The following DTNB variants were observed in gnomAD, a reference collection of about 807,000 sequenced individuals.
DTNB encodes the protein DTN-B.
DTNB carries 63 observed loss-of-function variants against 90.7 expected under a neutral mutation model. That is an observed-to-expected ratio of 0.69 (90% confidence interval 0.57 to 0.86). The LOEUF (loss-of-function observed/expected upper bound fraction) is 0.86. Ranked by LOEUF, DTNB falls within the 40% of genes least tolerant of loss-of-function variation. The pLI, the probability that DTNB is intolerant of heterozygous loss-of-function variation, is 0.00. For synonymous variants in DTNB, 277 were observed against 286.7 expected (o/e 0.97, Z 0.34); for missense variants, 744 against 807.1 (o/e 0.92, Z 0.95).
At chr2:25,437,878 A>G (rs549379372) in intron 12 of DTNB, among the ~76,000 whole-genome samples, 14 of 152,346 alleles carry the variant, frequency 9.2e-5, no homozygotes, top group African/African-American at 3.4e-4. Flanking sequence ...CATGGAGCTC[A>G]GATTACACTG....
intron 10 of DTNB, among the ~76,000 whole-genome samples, chr2:25,479,931 G>A (rs945660680): frequency 6.6e-6 from 1 of 152,178 alleles, no homozygotes; most frequent in Admixed American, 6.5e-5. Context: ...GTAAGGCTCT[G>A]TGGCTGGCAA....
intron 9 of DTNB, among the ~76,000 whole-genome samples, chr2:25,510,945 T>G (rs982983343): frequency 2.6e-5 from 4 of 152,254 alleles, no homozygotes; most frequent in Non-Finnish European, 4.4e-5. Context: ...AAATTCTGGT[T>G]TCAAACCCAT....
chr2:25,466,899 C>G (rs1284916571), intron 10 of DTNB, among the ~76,000 whole-genome samples: 1 of 152,124 alleles, frequency 6.6e-6, no homozygotes, highest in Admixed American at 6.6e-5. Context: ...AGTGTTAGAC[C>G]TTTAAGGAAG....
At chr2:25,648,661 C>T (rs933293583) in intron 2 of DTNB, among the ~76,000 whole-genome samples, 1 of 152,054 alleles carries the variant, frequency 6.6e-6, no homozygotes, top group Admixed American at 6.6e-5. Context: ...TGACAAAGAC[C>T]TCATCATACA....
intron 8 of DTNB, among the ~76,000 whole-genome samples, chr2:25,571,287 T>C (rs2059827848): frequency 6.6e-6 from 1 of 152,216 alleles, no homozygotes; most frequent in Admixed American, 6.5e-5. Context: ...TCTCTTTCTT[T>C]TCTACTGTCT....
intron 15 of DTNB, among the ~76,000 whole-genome samples, chr2:25,420,125 T>C (rs1176847885): frequency 6.6e-6 from 1 of 152,126 alleles, no homozygotes; most frequent in Non-Finnish European, 1.5e-5. Flanking sequence ...TTCTGGTGCA[T>C]ACAAGTCTGA....
intron 15 of DTNB, 64 bp from the exon 16 acceptor site, chr2:25,419,599 T>G (rs1199797097): frequency 1.5e-5 from 23 of 1,539,722 alleles, no homozygotes; most frequent in Non-Finnish European, 2.0e-5. Flanking sequence ...TGCCCATTAA[T>G]GCCCATCACC....
intron 3 of DTNB, among the ~76,000 whole-genome samples, chr2:25,633,292 C>T (rs1288533753): frequency 6.6e-5 from 10 of 151,438 alleles, no homozygotes; most frequent in Admixed American, 1.3e-4. Context: ...GCCTGCCCAG[C>T]GCCTGCCATT....
intron 9 of DTNB, 141 bp from the exon 10 acceptor site, chr2:25,483,014 C>G: frequency 1.3e-6 from 1 of 796,062 alleles, no homozygotes; most frequent in Non-Finnish European, 1.8e-6. Flanking sequence ...GGGGGGGACC[C>G]ATGGGGAAGG....
intron 16 of DTNB, among the ~76,000 whole-genome samples, chr2:25,399,063 C>A (rs1467474401): frequency 2.0e-5 from 3 of 152,120 alleles, no homozygotes; most frequent in Non-Finnish European, 4.4e-5. Flanking sequence ...TGAATCTTTT[C>A]TTTTTTGAGA....
intron 16 of DTNB, among the ~76,000 whole-genome samples, chr2:25,415,234 A>G (rs868335506): frequency 6.7e-6 from 1 of 150,164 alleles, no homozygotes; most frequent in Non-Finnish European, 1.5e-5. Context: ...GGTTCCTGGC[A>G]TAAGAGCTTC....
At chr2:25,454,690 C>G (rs2150149177) in intron 11 of DTNB, among the ~76,000 whole-genome samples, 1 of 152,288 alleles carries the variant, frequency 6.6e-6, no homozygotes, top group Admixed American at 6.5e-5. Flanking sequence ...ATTAACTTTG[C>G]TATAGTTAGC....
intron 12 of DTNB, among the ~76,000 whole-genome samples, chr2:25,444,883 T>C (rs756207863): frequency 6.6e-6 from 1 of 152,204 alleles, no homozygotes; most frequent in Non-Finnish European, 1.5e-5. Context: ...AACAGAACTC[T>C]AGTCAAGAAG....
intron 2 of DTNB, among the ~76,000 whole-genome samples, chr2:25,649,177 T>C (rs531981691): frequency 3.7e-4 from 57 of 152,100 alleles, no homozygotes; most frequent in African/African-American, 1.4e-3. Context: ...GCTAATTTTT[T>C]TGTATTTTTA....
At chr2:25,672,692 T>C (rs1324264007) in intron 1 of DTNB, 4 of 152,206 alleles carry the variant, frequency 2.6e-5, no homozygotes, top group Non-Finnish European at 5.9e-5. Flanking sequence ...TTCATGTGCA[T>C]ATCTTCACAG....
At chr2:25,448,306 A>T (rs1038895167) in intron 12 of DTNB, among the ~76,000 whole-genome samples, 2 of 152,216 alleles carry the variant, frequency 1.3e-5, no homozygotes, top group African/African-American at 2.4e-5. Context: ...GCAACAAAAG[A>T]AGTATTTGCT....
chr2:25,496,576 G>A lies in DTNB; in HGVS notation c.1002-13703C>T, dbSNP rs376271046. On this transcript the variant is annotated intron_variant, in intron 9 of 20. Transcript: ENST00000406818. ...AGATATAGTGGGGCTGGGCGCAGTGGCTCACACCTGTAATCTCAGCACTTT... is the reference window on the plus strand; with the variant it reads ...AGATATAGTGGGGCTGGGCGCAGTGACTCACACCTGTAATCTCAGCACTTT... Among the ~76,000 whole-genome samples the A allele has an allele frequency of 4.9e-4, 75 of 152,294 alleles. 1 individual carries two copies. In the South Asian group the frequency reaches 0.012, roughly 24 times the overall value.
In DTNB at chr2:25,388,288, G is replaced by A. The variant is rs751709200; in HGVS notation, c.1649C>T (p.Ser550Phe). The change falls in exon 17 of 21, where the codon TCC becomes TTC. Residue 550 changes from serine (S) to phenylalanine (F), a missense_variant. By Grantham distance (155) the Ser-to-Phe change is radical (BLOSUM62 -2). Coordinates refer to ENST00000406818, the MANE Select transcript of DTNB (RefSeq NM_021907.5). ...GGTGGGGGTGGAGCCGGCAGACGTGGAGCGCACTGGCATGGGCATTGGCCG... is the reference window on the plus strand; with the variant it reads ...GGTGGGGGTGGAGCCGGCAGACGTGAAGCGCACTGGCATGGGCATTGGCCG... ...GGRPMPMPVRSTSAGSTPTHC... is the reference protein window; with the variant it reads ...GGRPMPMPVRFTSAGSTPTHC... 1.2e-6 allele frequency: 2 copies of A among 1,613,156 alleles called. No individual in the cohort carries two copies. The highest frequency in any genetic ancestry group is 1.7e-6 in the Non-Finnish European group (2 of 1,179,606).
At chr2:25,672,346 A>T (rs1012644972) in intron 1 of DTNB, among the ~76,000 whole-genome samples, 1 of 151,686 alleles carries the variant, frequency 6.6e-6, no homozygotes, top group East Asian at 1.9e-4. Context: ...TTGTCCATTC[A>T]TTCATGCAAT....
Sources: allele counts gnomAD v4.1 joint callset (sites outside exome capture counted in the v4.1 genomes callset), GRCh38; gene constraint gnomAD v4.1.1; transcripts MANE v1.5; gene names NCBI Gene and HGNC (gene_info 2026-07-23, HGNC 2026-07-21).